Variants in TRAM2 observed in about 807,000 individuals in gnomAD.
TRAM2 encodes the protein translocating chain-associated membrane protein 2.
In TRAM2, 12 loss-of-function variants were observed where a neutral mutation model predicts 51.0. The observed-to-expected ratio is 0.24, with a 90% CI of 0.15 to 0.38. TRAM2 has a LOEUF of 0.38. TRAM2 is among the 10% of genes least tolerant of loss of function. TRAM2 has a pLI of 1.00. For synonymous variants in TRAM2, 175 were observed against 179.4 expected (o/e 0.98, Z 0.20); for missense variants, 361 against 462.0 (o/e 0.78, Z 2.00).
chr6:52,525,575 C>T (rs892477392), intron 2 of TRAM2, among the ~76,000 whole-genome samples: 1 of 152,080 alleles, frequency 6.6e-6, no homozygotes, highest in African/African-American at 2.4e-5. Flanking sequence ...TTTGGGAGGC[C>T]AAGGCGGGTG....
intron 1 of TRAM2, among the ~76,000 whole-genome samples, chr6:52,559,047 T>C (rs1364135388): frequency 6.6e-6 from 1 of 152,210 alleles, no homozygotes. Context: ...GTGGGATCTG[T>C]GGAATGTTAC....
At chr6:52,508,157 G>T in intron 6 of TRAM2, 77 bp downstream of exon 6, 1 of 1,357,190 alleles carries the variant, frequency 7.4e-7, no homozygotes, top group South Asian at 1.2e-5. Context: ...AGAAAAGGAA[G>T]GGAGGTACCC....
At chr6:52,535,741 G>T in intron 2 of TRAM2, 42 bp downstream of exon 2, 1 of 1,565,550 alleles carries the variant, frequency 6.4e-7, no homozygotes, top group South Asian at 1.1e-5. Context: ...GGTCCTTCAG[G>T]GTTAACAGGG....
chr6:52,563,016 T>C (rs1767525708), intron 1 of TRAM2, among the ~76,000 whole-genome samples: 1 of 152,260 alleles, frequency 6.6e-6, no homozygotes, highest in Non-Finnish European at 1.5e-5. Flanking sequence ...TTTGACCTTA[T>C]CATCCCACTT....
At chr6:52,531,568 CA>C (rs1266769341) in intron 2 of TRAM2, among the ~76,000 whole-genome samples, 3 of 152,200 alleles carry the variant, frequency 2.0e-5, no homozygotes, top group Non-Finnish European at 2.9e-5. Flanking sequence ...GGGAAAATGC[CA>C]AACCCCACTG....
chr6:52,549,013 G>A (rs969298488), intron 1 of TRAM2, among the ~76,000 whole-genome samples: 18 of 152,260 alleles, frequency 1.2e-4, no homozygotes, highest in African/African-American at 4.3e-4. Context: ...GATAAAAGGG[G>A]GCAGGTGAGG....
At chr6:52,576,725 T>G (rs905940814) in intron 1 of TRAM2, 71 bp downstream of exon 1, 4 of 1,567,184 alleles carry the variant, frequency 2.6e-6, no homozygotes, top group Non-Finnish European at 3.5e-6. Context: ...CCCGCTGACC[T>G]GCAGGGGTGT....
At chr6:52,536,157 A>T (rs1455931399) in intron 1 of TRAM2, among the ~76,000 whole-genome samples, 2 of 152,206 alleles carry the variant, frequency 1.3e-5, no homozygotes, top group Admixed American at 6.5e-5. Context: ...GTTCATTCAG[A>T]TATTTATCAG....
rs200528262 is a variant in TRAM2 at position 52,503,282 on chromosome 6, A to T, written c.1040-12T>A. 6.8e-6 allele frequency: 11 copies of T among 1,612,114 alleles called. No homozygotes were observed. Among genetic ancestry groups the T allele is most frequent in the Middle Eastern group, 1.6e-4 (1 of 6,080 alleles). ...ATTTTCATGGTAACCTGGGAAGTGGAGAGAGACAAGCATACATGGTGTTTC... is the reference window on the plus strand; with the variant it reads ...ATTTTCATGGTAACCTGGGAAGTGGTGAGAGACAAGCATACATGGTGTTTC... On this transcript the variant is annotated splice_polypyrimidine_tract_variant and intron_variant, in intron 10 of 10. Coordinates refer to ENST00000182527, the MANE Select transcript of TRAM2 (RefSeq NM_012288.4).
Position 52,576,811 on chromosome 6 carries a change from G to T in TRAM2, c.105C>A (p.Ile35=). ...AGGCTCTCACCTCGAACATAAGCCC[G>T]ATGAGGACGCAGAGCACCAGGCAGA... ...IGFCLVLCVL[I]GLMFEVTAKT... is the part of the protein sequence containing the mutation. The change falls in exon 1 of 11, where the codon ATC becomes ATA. Residue 35 remains isoleucine, a synonymous_variant. Transcript: ENST00000182527. The T allele has an allele frequency of 6.2e-7, 1 of 1,613,572 alleles. No individual in the cohort carries two copies. Among genetic ancestry groups the T allele is most frequent in the Non-Finnish European group, 8.5e-7 (1 of 1,179,676 alleles).
intron 2 of TRAM2, among the ~76,000 whole-genome samples, chr6:52,519,988 T>C (rs1472005262): frequency 2.6e-5 from 4 of 152,146 alleles, no homozygotes; most frequent in Non-Finnish European, 5.9e-5. Flanking sequence ...TACCAAGGGC[T>C]GGGAGTGAGA....
intron 1 of TRAM2, among the ~76,000 whole-genome samples, chr6:52,557,618 G>A (rs1440828730): frequency 6.6e-6 from 1 of 152,190 alleles, no homozygotes; most frequent in East Asian, 1.9e-4. Flanking sequence ...ACATGGCAAT[G>A]AGAAATGGAG....
At chr6:52,553,713 C>G (rs1221009083) in intron 1 of TRAM2, among the ~76,000 whole-genome samples, 1 of 152,214 alleles carries the variant, frequency 6.6e-6, no homozygotes, top group Non-Finnish European at 1.5e-5. Context: ...AATCCCAATT[C>G]TGCCCTCACT....
chr6:52,565,393 A>G (rs1767572888), intron 1 of TRAM2, among the ~76,000 whole-genome samples: 1 of 152,166 alleles, frequency 6.6e-6, no homozygotes, highest in Non-Finnish European at 1.5e-5. Context: ...GGGGCAAGGC[A>G]GGGGAGGGCA....
rs1197314366 is a variant in TRAM2 at position 52,502,712 on chromosome 6, A to T, written c.*485T>A. 1 of 164,998 alleles carries T rather than the reference A, an allele frequency of 6.1e-6. No individual in the cohort carries two copies. Among genetic ancestry groups the T allele is most frequent in the African/African-American group, 2.4e-5 (1 of 41,566 alleles). The allele number at this position is 164,998 out of a possible 1,614,324, so 10.2% of individuals were successfully genotyped here. On this transcript the variant is annotated 3_prime_UTR_variant, in exon 11 of 11. Transcript: ENST00000182527. ...TCTCTTCTTGCCCATCCACATGAGG[A>T]CCACCAAGGGCCTACCAGCCCCAGG...
rs145798563 is a variant in TRAM2, at chr6:52,500,890, TGA to T, written c.*2305_*2306del. On this transcript the variant is annotated 3_prime_UTR_variant, in exon 11 of 11. Coordinates refer to ENST00000182527, the MANE Select transcript of TRAM2 (RefSeq NM_012288.4). ...CTCAACAGTTTAACCTGGACTCACC[TGA>T]GAGAGGCCTCCTGCATGTGAAGCCC... 1 of 152,264 alleles carries T rather than the reference TGA, an allele frequency of 6.6e-6. No homozygotes were observed. The highest frequency in any genetic ancestry group is 1.5e-5 in the Non-Finnish European group (1 of 68,072). 9.4% of individuals were successfully genotyped at this position (152,264 alleles called of 1,614,324 possible).
In TRAM2 at chr6:52,504,633, C is replaced by T. The variant is rs1290597997; in HGVS notation, c.997G>A (p.Ala333Thr). Reference protein sequence around the residue: ...NEQSAKRRVPATPRLPARLIK... With the variant: ...NEQSAKRRVPTTPRLPARLIK... ...AGCCTGGCTGGTAGTCTGGGTGTGG[C>T]TGGGACTCTCCGCTTTGCACTCTGC... Residue 333 changes from alanine to threonine, a missense_variant, in exon 10 of 11, where the codon GCC becomes ACC. Coordinates refer to ENST00000182527, the MANE Select transcript of TRAM2 (RefSeq NM_012288.4). The T allele has an allele frequency of 6.2e-7, 1 of 1,614,014 alleles. No homozygotes were observed. Among genetic ancestry groups the T allele is most frequent in the African/African-American group, 1.3e-5 (1 of 74,952 alleles).
chr6:52,537,955 C>T (rs1198960222), intron 1 of TRAM2, among the ~76,000 whole-genome samples: 1 of 152,212 alleles, frequency 6.6e-6, no homozygotes, highest in East Asian at 1.9e-4. Context: ...ACTAAGCCAC[C>T]TGAATCCAGC....
chr6:52,535,114 C>A (rs947647590), intron 2 of TRAM2, among the ~76,000 whole-genome samples: 2 of 152,214 alleles, frequency 1.3e-5, no homozygotes, highest in African/African-American at 4.8e-5. Flanking sequence ...CAAAACGCAA[C>A]ATCCTGCCCA....
Sources: allele counts gnomAD v4.1 joint callset (sites outside exome capture counted in the v4.1 genomes callset), GRCh38; gene constraint gnomAD v4.1.1; transcripts MANE v1.5; gene names NCBI Gene and HGNC (gene_info 2026-07-23, HGNC 2026-07-21).